Variants in MSI2 observed in about 807,000 individuals in gnomAD.
The protein encoded by MSI2 is RNA-binding protein Musashi homolog 2.
MSI2 carries 17 observed loss-of-function variants against 45.6 expected under a neutral mutation model. That is an observed-to-expected ratio of 0.37 (90% CI 0.26 to 0.56). MSI2 has a LOEUF of 0.56. MSI2 is among the 20% of genes least tolerant of loss of function. MSI2 has a pLI of 0.77. For synonymous variants in MSI2, 156 were observed against 158.2 expected, an observed-to-expected ratio of 0.99 and a Z score of 0.11; for missense variants, 293 against 444.2, an observed-to-expected ratio of 0.66 and a Z score of 3.06.
chr17:57,526,257 C>T (rs934935667), intron 6 of MSI2, among the ~76,000 whole-genome samples: 7 of 151,884 alleles, frequency 4.6e-5, no homozygotes, highest in African/African-American at 9.7e-5. Flanking sequence ...AACTCCTGTT[C>T]CCAGCTTCCC....
At chr17:57,645,141 A>C (rs1292460150) in intron 10 of MSI2, among the ~76,000 whole-genome samples, 2 of 152,204 alleles carry the variant, frequency 1.3e-5, no homozygotes, top group African/African-American at 4.8e-5. Flanking sequence ...CATCAGAATC[A>C]TCCGGAAGGC....
At chr17:57,614,825 C>T (rs891005694) in intron 8 of MSI2, among the ~76,000 whole-genome samples, 12 of 152,026 alleles carry the variant, frequency 7.9e-5, no homozygotes, top group African/African-American at 1.4e-4. Context: ...GTTTATAGTT[C>T]GCATAGTTAA....
At position 57,401,391 on chromosome 17, in the gene MSI2, A is replaced by G. The variant is rs1447111584; in HGVS notation, c.325A>G (p.Thr109Ala). 1.9e-6 allele frequency: 3 copies of G among 1,614,064 alleles called. No individual in the cohort carries two copies. Among genetic ancestry groups the G allele is most frequent in the South Asian group, 1.1e-5 (1 of 91,094 alleles). ...TCATTTCTTGCAGATGGTCACAAGA[A>G]CAAAGAAAATATTTGTAGGCGGGTT... ...RRAQPKMVTR[T>A]KKIFVGGLSA... The change falls in exon 6 of 14, where the codon ACA (threonine) becomes GCA (alanine). Residue 109 changes from threonine (T) to alanine (A), a missense_variant. Thr to Ala is a moderately conservative substitution (Grantham distance 58). Transcript: ENST00000284073.
At chr17:57,338,808 G>C (rs1353404523) in intron 5 of MSI2, among the ~76,000 whole-genome samples, 1 of 152,180 alleles carries the variant, frequency 6.6e-6, no homozygotes, top group Non-Finnish European at 1.5e-5. Context: ...GGACTGCCCT[G>C]CCTCCCTGTC....
intron 5 of MSI2, among the ~76,000 whole-genome samples, chr17:57,285,145 G>T (rs1186893782): frequency 6.6e-6 from 1 of 152,098 alleles, no homozygotes; most frequent in Non-Finnish European, 1.5e-5. Context: ...CAACATCCTT[G>T]TTAGAGCCCA....
At chr17:57,701,302 G>A in the MSI2 span, among the ~76,000 whole-genome samples, 1 of 152,202 alleles carries the variant, frequency 6.6e-6, no homozygotes, top group Non-Finnish European at 1.5e-5. Context: ...GAATTCATAT[G>A]CTGAAGCCTA....
chr17:57,600,565 C>T (rs116322601), intron 8 of MSI2, among the ~76,000 whole-genome samples: 3,063 of 152,278 alleles, frequency 0.02, 91 homozygotes, highest in African/African-American at 0.062. Context: ...GGAGTCTCTT[C>T]CTGGGCATTT....
rs373482522 is a variant in MSI2, at chr17:57,334,482, T to A, written c.313-66897T>A. Among the ~76,000 whole-genome samples, 48 of 152,076 alleles carry A rather than the reference T, an allele frequency of 3.2e-4. No individual in the cohort carries two copies. In the East Asian group the frequency reaches 4.5e-3, roughly 14 times the overall value. On this transcript the variant is annotated intron_variant, in intron 5 of 13. Transcript: ENST00000284073. Reference sequence around the variant, plus strand: ...TGGGGAACGCCTCTGAAAGCAACACTCCCCAAGATCTCATTAAAATGCTTC... The same window carrying A: ...TGGGGAACGCCTCTGAAAGCAACACACCCCAAGATCTCATTAAAATGCTTC...
intron 6 of MSI2, among the ~76,000 whole-genome samples, chr17:57,476,354 G>A (rs1258323913): frequency 6.6e-6 from 1 of 152,190 alleles, no homozygotes; most frequent in Non-Finnish European, 1.5e-5. Flanking sequence ...GGAGGTTGGG[G>A]GTGAGCAGAA....
At chr17:57,662,599 A>C (rs1365013356) in intron 11 of MSI2, among the ~76,000 whole-genome samples, 1 of 152,222 alleles carries the variant, frequency 6.6e-6, no homozygotes, top group Non-Finnish European at 1.5e-5. Context: ...TCTGTCCTCT[A>C]AGCCACTGTC....
intron 12 of MSI2, among the ~76,000 whole-genome samples, chr17:57,675,812 A>G (rs1913189055): frequency 6.6e-6 from 1 of 152,178 alleles, no homozygotes; most frequent in African/African-American, 2.4e-5. Flanking sequence ...TGCATTTGAT[A>G]TTTGTAATGC....
chr17:57,324,854 G>C (rs1913651384), intron 5 of MSI2, among the ~76,000 whole-genome samples: 1 of 152,188 alleles, frequency 6.6e-6, no homozygotes, highest in African/African-American at 2.4e-5. Flanking sequence ...CTGGGGCAGG[G>C]ACTGACTGGG....
intron 6 of MSI2, among the ~76,000 whole-genome samples, chr17:57,469,093 G>T (rs2085385905): frequency 6.6e-6 from 1 of 152,128 alleles, no homozygotes; most frequent in Admixed American, 6.5e-5. Context: ...AGCCTCAGGA[G>T]ACCATGGCTG....
chr17:57,522,683 A>T (rs941429935), intron 6 of MSI2: 1 of 152,082 alleles, frequency 6.6e-6, no homozygotes, highest in African/African-American at 2.4e-5. Flanking sequence ...CTCCTTTCAC[A>T]GAAGAAAAAC....
At chr17:57,558,840 C>A (rs927824588) in intron 7 of MSI2, among the ~76,000 whole-genome samples, 1 of 152,168 alleles carries the variant, frequency 6.6e-6, no homozygotes, top group African/African-American at 2.4e-5. Flanking sequence ...GCGGGCAGAT[C>A]ACCTGAGGTC....
chr17:57,527,341 A>G (rs1219570368), intron 6 of MSI2, among the ~76,000 whole-genome samples: 1 of 149,930 alleles, frequency 6.7e-6, no homozygotes, highest in East Asian at 2.0e-4. Flanking sequence ...TGCTCATATC[A>G]CCATATGCTC....
chr17:57,473,666 C>T (rs1379207558), intron 6 of MSI2, among the ~76,000 whole-genome samples: 1 of 152,220 alleles, frequency 6.6e-6, no homozygotes, highest in Non-Finnish European at 1.5e-5. Context: ...ACCTTCCTCT[C>T]ACCACTGAAG....
intron 7 of MSI2, among the ~76,000 whole-genome samples, chr17:57,547,123 A>G (rs1008777991): frequency 3.9e-5 from 6 of 152,202 alleles, no homozygotes; most frequent in Non-Finnish European, 8.8e-5. Flanking sequence ...AGGAGCAGAT[A>G]ACAGCAAGTG....
chr17:57,295,992 CTTTTTTTTTTTTTTTTTTTTTTTT>C (rs386386327), intron 5 of MSI2, among the ~76,000 whole-genome samples: 2 of 38,622 alleles, frequency 5.2e-5, no homozygotes, highest in Non-Finnish European at 1.1e-4. Context: ...CGCAGCCTTC[CTTTTTTTTTTTTTTTTTTTTTTTT>C]TTTTTTTTTT....
Sources: allele counts gnomAD v4.1 joint callset (sites outside exome capture counted in the v4.1 genomes callset), GRCh38; gene constraint gnomAD v4.1.1; transcripts MANE v1.5; gene names NCBI Gene and HGNC (gene_info 2026-07-23, HGNC 2026-07-21).